Variants in ZNF721 observed in about 807,000 individuals in gnomAD.
The protein encoded by ZNF721 is zinc finger protein 721.
Under a neutral mutation model 2.4 loss-of-function variants are expected in ZNF721, and 2 were observed. The ratio of observed to expected loss-of-function variants is 0.82; its 90% CI spans 0.34 to 2.58. The LOEUF is 2.58. Ranked by LOEUF, ZNF721 falls within the 30% of genes most tolerant of loss-of-function variation. The pLI, the probability that ZNF721 is intolerant of heterozygous loss-of-function variation, is 0.11. For synonymous variants in ZNF721, 398 were observed against 381.8 expected, an observed-to-expected ratio of 1.04 and a Z score of -0.50; for missense variants, 1,187 against 1,085.5, an observed-to-expected ratio of 1.09 and a Z score of -1.31.
intron 2 of ZNF721, among the ~76,000 whole-genome samples, chr4:447,764 T>A (rs2108691501): frequency 6.6e-6 from 1 of 152,210 alleles, no homozygotes; most frequent in East Asian, 1.9e-4. Flanking sequence ...CTATCCTATT[T>A]CATAAAATAT....
chr4:459,573 TA>T lies in ZNF721; in HGVS notation c.34+13001del, dbSNP rs1248538940. Among the ~76,000 whole-genome samples the T allele has an allele frequency of 5.1e-3, 353 of 69,534 alleles. 2 individuals are homozygous for T. Among genetic ancestry groups the T allele is most frequent in the African/African-American group, 0.017 (315 of 18,580 alleles). The allele number at this position is 69,534 out of a possible 152,430, so 45.6% of individuals were successfully genotyped here. Reference sequence around the variant, plus strand: ...GGTCAGGTGCAGTGGCTCACACCTGTAACTCCCAGCACTTTGAGAGGCCGAG... The same window carrying T: ...GGTCAGGTGCAGTGGCTCACACCTGTACTCCCAGCACTTTGAGAGGCCGAG... On this transcript the variant is annotated intron_variant, in intron 2 of 2. Coordinates refer to ENST00000511833, the MANE Select transcript of ZNF721 (RefSeq NM_133474.4).
chr4:443,976 G>A lies in ZNF721; in HGVS notation c.491C>T (p.Pro164Leu), dbSNP rs1273050928. ...TTTGCCACATTCTTCACATTTGTAA[G>A]GTTTCTCTCCAGTATGAATTTTCTT... The part of the protein sequence containing the change: ...QHKKIHTGEK[P>L]YKCEECGKAF... The change falls in exon 3 of 3, where the codon CCT (proline) becomes CTT (leucine). Residue 164 changes from proline (P) to leucine (L), a missense_variant. Pro to Leu is a moderately conservative substitution (Grantham distance 98). Transcript: ENST00000511833. 3 of 1,614,084 alleles carry A rather than the reference G, an allele frequency of 1.9e-6. No individual in the cohort carries two copies. The highest frequency in any genetic ancestry group is 2.5e-6 in the Non-Finnish European group (3 of 1,179,972).
In ZNF721 at chr4:440,026, T is replaced by A. The variant is rs782306999; in HGVS notation, c.*1669A>T. 1 of 150,694 alleles carries A rather than the reference T, an allele frequency of 6.6e-6. No homozygotes were observed. Among genetic ancestry groups the A allele is most frequent in the Non-Finnish European group, 1.5e-5 (1 of 67,952 alleles). 9.3% of individuals were successfully genotyped at this position (150,694 alleles called of 1,614,324 possible). ...ACAATTTTTATTTCAAAAATTAAGT[T>A]CACACATTATCTTAAGAGAATTTTA... On this transcript the variant is annotated 3_prime_UTR_variant, in exon 3 of 3. Coordinates refer to ENST00000511833, the MANE Select transcript of ZNF721 (RefSeq NM_133474.4).
chr4:468,159 T>TG (rs1383402645), intron 2 of ZNF721, among the ~76,000 whole-genome samples: 1 of 150,900 alleles, frequency 6.6e-6, no homozygotes, highest in African/African-American at 2.4e-5. Context: ...CCCAGCTACT[T>TG]GGGGGGCTGA....
At chr4:454,646 A>C (rs1382139600) in intron 2 of ZNF721, among the ~76,000 whole-genome samples, 1 of 152,086 alleles carries the variant, frequency 6.6e-6, no homozygotes, top group Non-Finnish European at 1.5e-5. Flanking sequence ...TGCCTTCCCC[A>C]TGTATCTGTA....
At chr4:498,562 G>A (rs771513046) in intron 1 of ZNF721, among the ~76,000 whole-genome samples, 7 of 152,098 alleles carry the variant, frequency 4.6e-5, no homozygotes, top group Non-Finnish European at 1.0e-4. Context: ...ATAAAAGAAT[G>A]AAACCCTATC....
At chr4:481,675 G>A (rs1434518867) in intron 1 of ZNF721, among the ~76,000 whole-genome samples, 1 of 151,704 alleles carries the variant, frequency 6.6e-6, no homozygotes, top group East Asian at 1.9e-4. Context: ...GAAATTGCAA[G>A]TGATCTATTT....
intron 2 of ZNF721, among the ~76,000 whole-genome samples, chr4:468,445 A>G (rs1303157894): frequency 6.6e-6 from 1 of 152,112 alleles, no homozygotes; most frequent in Non-Finnish European, 1.5e-5. Context: ...AAAGAAAAAA[A>G]AAAACTGTTC....
intron 1 of ZNF721, among the ~76,000 whole-genome samples, chr4:486,155 TTTTTC>T (rs1230790440): frequency 1.2e-4 from 12 of 96,020 alleles, no homozygotes; most frequent in African/African-American, 2.8e-4. Flanking sequence ...ATTTCTTTTT[TTTTTC>T]TTTTCTTTTT....
At chr4:444,750 C>G (rs1050788436) in intron 2 of ZNF721, among the ~76,000 whole-genome samples, 1 of 152,134 alleles carries the variant, frequency 6.6e-6, no homozygotes, top group South Asian at 2.1e-4. Flanking sequence ...TAGAAGAAAG[C>G]TCTCAACTCC....
At chr4:469,875 A>G (rs1715376569) in intron 2 of ZNF721, among the ~76,000 whole-genome samples, 1 of 152,172 alleles carries the variant, frequency 6.6e-6, no homozygotes, top group Non-Finnish European at 1.5e-5. Flanking sequence ...GCCACAAACA[A>G]AAGAATAAAA....
Position 442,800 on chromosome 4 carries a change from G to A in ZNF721, c.1667C>T (p.Pro556Leu), listed in dbSNP as rs1370373264. Residue 556 changes from proline to leucine, a missense_variant, in exon 3 of 3, where the codon CCC (proline) becomes CTC (leucine). By Grantham distance (98) the Pro-to-Leu change is moderately conservative. Transcript: ENST00000511833. ...TTTGCCACATTCTTCACATGTGTAGGGTTTCTCTCCAGTATGAATTCTCCT... is the reference window on the plus strand; with the variant it reads ...TTTGCCACATTCTTCACATGTGTAGAGTTTCTCTCCAGTATGAATTCTCCT... Reference protein sequence around the residue: ...VHRRIHTGEKPYTCEECGKTF... With the variant: ...VHRRIHTGEKLYTCEECGKTF... 2 of 1,613,800 alleles carry A rather than the reference G, an allele frequency of 1.2e-6. No homozygotes were observed. Among genetic ancestry groups the A allele is most frequent in the Non-Finnish European group, 1.7e-6 (2 of 1,179,958 alleles).
intron 2 of ZNF721, among the ~76,000 whole-genome samples, chr4:448,496 T>C (rs376057012): frequency 7.3e-5 from 11 of 150,376 alleles, no homozygotes; most frequent in South Asian, 4.2e-4. Flanking sequence ...AAACTAAAGA[T>C]TGAAATAATA....
chr4:441,069 A>T lies in ZNF721; in HGVS notation c.*626T>A, dbSNP rs1179002060. On this transcript the variant is annotated 3_prime_UTR_variant, in exon 3 of 3. Transcript: ENST00000511833. Reference sequence around the variant, plus strand: ...ATTCTCTGATGTTGAACAAAGTTTAAGCAACTGCTTCAGAGTTTTCCTCTA... The same window carrying T: ...ATTCTCTGATGTTGAACAAAGTTTATGCAACTGCTTCAGAGTTTTCCTCTA... 6.6e-6 allele frequency: 1 copy of T among 152,272 alleles called. No homozygotes were observed. The highest frequency in any genetic ancestry group is 6.5e-5 in the Admixed American group (1 of 15,288). The allele number at this position is 152,272 out of a possible 1,614,324, so 9.4% of individuals were successfully genotyped here. A position where few individuals can be genotyped will look rare whatever the true frequency, so the allele number is the denominator to read the frequency against.
At position 441,603 on chromosome 4, in the gene ZNF721, G is replaced by A. The variant is rs374146351; in HGVS notation, c.*92C>T. The A allele has an allele frequency of 9.9e-5, 108 of 1,091,444 alleles. No homozygotes were observed. The highest frequency in any genetic ancestry group is 1.4e-4 in the Non-Finnish European group (105 of 774,038). 67.6% of individuals were successfully genotyped at this position (1,091,444 alleles called of 1,614,324 possible). The stretch of plus-strand genomic sequence containing the variant: ...GGATTGAGGAGCATTTAAAGACCGC[G>A]ACATTCGTCACCTTCGTAAGACATT... On this transcript the variant is annotated 3_prime_UTR_variant, in exon 3 of 3. Transcript: ENST00000511833.
Position 499,151 on chromosome 4 carries a change from C to G in ZNF721, c.-189G>C. Reference sequence around the variant, plus strand: ...TGTTCGTATGTCCGAGGTGACGCCCCGCTGTGGCGGGCTGGCGGAAGTGAC... The same window carrying G: ...TGTTCGTATGTCCGAGGTGACGCCCGGCTGTGGCGGGCTGGCGGAAGTGAC... On this transcript the variant is annotated 5_prime_UTR_variant, in exon 1 of 3. Coordinates refer to ENST00000511833, the MANE Select transcript of ZNF721 (RefSeq NM_133474.4). The G allele has an allele frequency of 1.6e-6, 1 of 618,508 alleles. No homozygotes were observed. Among genetic ancestry groups the G allele is most frequent in the East Asian group, 3.2e-5 (1 of 31,274 alleles). 38.3% of individuals were successfully genotyped at this position (618,508 alleles called of 1,614,324 possible). A position where few individuals can be genotyped will look rare whatever the true frequency, so the allele number is the denominator to read the frequency against.
chr4:498,613 C>T (rs956070583), intron 1 of ZNF721, among the ~76,000 whole-genome samples: 6 of 151,806 alleles, frequency 4.0e-5, no homozygotes, highest in Non-Finnish European at 7.4e-5. Flanking sequence ...ATCATGTAAG[C>T]AAAATAAGAC....
chr4:496,171 G>A (rs1442110542), intron 1 of ZNF721, among the ~76,000 whole-genome samples: 1 of 152,128 alleles, frequency 6.6e-6, no homozygotes, highest in Non-Finnish European at 1.5e-5. Context: ...AGACGGTTGG[G>A]TATTTAGCCG....
intron 1 of ZNF721, among the ~76,000 whole-genome samples, chr4:496,068 A>T (rs1553872165): frequency 6.6e-6 from 1 of 152,196 alleles, no homozygotes; most frequent in African/African-American, 2.4e-5. Flanking sequence ...AAATCCCTTT[A>T]GCAGTGAAAA....
Sources: gnomAD v4.1 joint callset for allele counts (sites outside exome capture counted in the v4.1 genomes callset) on GRCh38, gnomAD v4.1.1 for gene constraint, MANE v1.5 for transcripts, NCBI Gene and HGNC (gene_info 2026-07-23, HGNC 2026-07-21) for gene names.